MYO5B: variants seen among roughly 807,000 people sequenced by gnomAD.
MYO5B encodes unconventional myosin-Vb.
MYO5B carries 143 observed loss-of-function variants against 229.3 expected under a neutral mutation model. The observed-to-expected ratio is 0.62, with a 90% CI of 0.54 to 0.72. MYO5B has a LOEUF of 0.72. MYO5B is among the 30% of genes least tolerant of loss of function. The probability of loss-of-function intolerance (pLI) is 0.00; values close to 1 mark genes in which losing one functional copy is unlikely to be tolerated. For synonymous variants in MYO5B, 918 were observed against 885.2 expected, an observed-to-expected ratio of 1.04 and a Z score of -0.66; for missense variants, 2,321 against 2,331.0, an observed-to-expected ratio of 1.00 and a Z score of 0.09.
chr18:49,997,690 T>C (rs2026004292), intron 5 of MYO5B, among the ~76,000 whole-genome samples: 1 of 152,038 alleles, frequency 6.6e-6, no homozygotes, highest in Admixed American at 6.5e-5. Context: ...GTGATGACAA[T>C]AAATCATCCC....
At position 50,017,144 on chromosome 18, in the gene MYO5B, G is replaced by T. The variant is rs377643919; in HGVS notation, c.456-15733C>A. Among the ~76,000 whole-genome samples the T allele has an allele frequency of 1.8e-4, 27 of 151,974 alleles. No homozygotes were observed. In the South Asian group the frequency reaches 5.6e-3, roughly 32 times the overall value. ...TTTCATTTTGTTTTTTTGAGACAGG[G>T]TCTCACTCTGTCACCCAGACTGGAG... is the stretch of plus-strand genomic sequence containing the variant. On this transcript the variant is annotated intron_variant, in intron 4 of 39. Transcript: ENST00000285039.
chr18:49,830,126 G>A (rs1189904629), intron 39 of MYO5B, among the ~76,000 whole-genome samples: 3 of 136,430 alleles, frequency 2.2e-5, no homozygotes, highest in African/African-American at 5.6e-5. Context: ...TATCTTACAT[G>A]TAGAAAAACT....
chr18:50,096,708 T>C (rs1292304304), intron 1 of MYO5B, among the ~76,000 whole-genome samples: 9 of 152,182 alleles, frequency 5.9e-5, no homozygotes. Context: ...TCCTACTTTG[T>C]TCACAATACA....
intron 4 of MYO5B, among the ~76,000 whole-genome samples, chr18:50,006,947 C>T (rs2144335617): frequency 6.6e-6 from 1 of 152,302 alleles, no homozygotes; most frequent in South Asian, 2.1e-4. Context: ...CACACGGCAG[C>T]ACTACTCAAA....
At chr18:49,959,211 C>T (rs980385096) in intron 12 of MYO5B, among the ~76,000 whole-genome samples, 3 of 152,224 alleles carry the variant, frequency 2.0e-5, no homozygotes, top group Non-Finnish European at 4.4e-5. Flanking sequence ...CACAGTGTTT[C>T]TGGTTCTGTG....
chr18:49,935,154 G>T (rs965134584), intron 16 of MYO5B, among the ~76,000 whole-genome samples: 1 of 152,198 alleles, frequency 6.6e-6, no homozygotes, highest in Admixed American at 6.5e-5. Flanking sequence ...GGTGAGGAAC[G>T]TGCATGGAGA....
At chr18:50,192,537 T>C (rs1451679563) in intron 1 of MYO5B, among the ~76,000 whole-genome samples, 1 of 152,180 alleles carries the variant, frequency 6.6e-6, no homozygotes, top group Non-Finnish European at 1.5e-5. Flanking sequence ...TTATTATGAG[T>C]GTCTTTAGGA....
chr18:50,132,787 C>G (rs2032274585), intron 1 of MYO5B, among the ~76,000 whole-genome samples: 1 of 152,212 alleles, frequency 6.6e-6, no homozygotes, highest in African/African-American at 2.4e-5. Context: ...ACAAAAACTT[C>G]CAAGTACCTT....
chr18:50,032,564 A>T (rs574686281), intron 4 of MYO5B, among the ~76,000 whole-genome samples: 4 of 152,356 alleles, frequency 2.6e-5, no homozygotes, highest in South Asian at 4.1e-4. Context: ...TATGGCCAAT[A>T]ATATTCCATT....
chr18:50,128,525 TAGG>T (rs1241617502), intron 1 of MYO5B, among the ~76,000 whole-genome samples: 1 of 152,110 alleles, frequency 6.6e-6, no homozygotes, highest in Non-Finnish European at 1.5e-5. Context: ...CCTGTCCAGG[TAGG>T]AGAAGACATG....
At chr18:50,038,602 G>A (rs1046038245) in intron 3 of MYO5B, among the ~76,000 whole-genome samples, 4 of 152,082 alleles carry the variant, frequency 2.6e-5, no homozygotes, top group South Asian at 2.1e-4. Flanking sequence ...ATCATACTCC[G>A]AGGTCACGTG....
intron 1 of MYO5B, among the ~76,000 whole-genome samples, chr18:50,063,239 C>A (rs753008913): frequency 6.6e-6 from 1 of 152,154 alleles, no homozygotes; most frequent in African/African-American, 2.4e-5. Context: ...TCTGAGTTTC[C>A]GTTTACTCAT....
At chr18:50,030,798 A>G (rs1280067941) in intron 4 of MYO5B, among the ~76,000 whole-genome samples, 1 of 149,462 alleles carries the variant, frequency 6.7e-6, no homozygotes, top group Non-Finnish European at 1.5e-5. Context: ...CAGCAGAGAC[A>G]GATGGGAATG....
chr18:49,832,307 A>G (rs1478825247), intron 39 of MYO5B, among the ~76,000 whole-genome samples: 1 of 152,218 alleles, frequency 6.6e-6, no homozygotes, highest in African/African-American at 2.4e-5. Flanking sequence ...TCACTGGCAC[A>G]TAGTAAGTGC....
intron 5 of MYO5B, among the ~76,000 whole-genome samples, chr18:49,994,158 C>T (rs117605271): frequency 2.0e-5 from 3 of 152,164 alleles, no homozygotes; most frequent in Non-Finnish European, 4.4e-5. Context: ...TAGGGGAGCA[C>T]CTCCTGCCAT....
At chr18:49,894,869 GCTCT>G (rs2024759269) in intron 22 of MYO5B, 68 bp downstream of exon 22, 17 of 1,309,032 alleles carry the variant, frequency 1.3e-5, no homozygotes, top group South Asian at 7.1e-5. Flanking sequence ...AAGCAGCAGT[GCTCT>G]CTGAGAGGTG....
chr18:49,962,542 T>C, intron 11 of MYO5B, 136 bp from the exon 12 acceptor site: 8 of 1,229,736 alleles, frequency 6.5e-6, no homozygotes, highest in South Asian at 1.3e-5. Context: ...TAAGTCATAG[T>C]TATGACTGCA....
At chr18:50,104,350 CA>C (rs1285184756) in intron 1 of MYO5B, among the ~76,000 whole-genome samples, 1 of 148,082 alleles carries the variant, frequency 6.8e-6, no homozygotes. Flanking sequence ...AATAAAAATT[CA>C]AAAAAATTTA....
intron 4 of MYO5B, among the ~76,000 whole-genome samples, chr18:50,016,053 T>C (rs1354620894): frequency 2.0e-5 from 3 of 152,078 alleles, no homozygotes; most frequent in Non-Finnish European, 4.4e-5. Context: ...TCCCAACTGG[T>C]AGAGAAGTGA....
Sources: allele counts gnomAD v4.1 joint callset (sites outside exome capture counted in the v4.1 genomes callset), GRCh38; gene constraint gnomAD v4.1.1; transcripts MANE v1.5; gene names NCBI Gene and HGNC (gene_info 2026-07-23, HGNC 2026-07-21).